Variants in EML5 observed in about 807,000 individuals in gnomAD.
EML5 encodes the protein EMAP like 5.
In EML5, 120 loss-of-function variants were observed where a neutral mutation model predicts 250.0. That is an observed-to-expected ratio of 0.48 (90% confidence interval 0.41 to 0.56). The LOEUF (loss-of-function observed/expected upper bound fraction) is 0.56. Ranked by LOEUF, EML5 falls within the 20% of genes least tolerant of loss-of-function variation. The pLI, the probability that EML5 is intolerant of heterozygous loss-of-function variation, is 0.00. For synonymous variants in EML5, 771 were observed against 806.5 expected, an observed-to-expected ratio of 0.96 and a Z score of 0.75; for missense variants, 2,006 against 2,437.6, an observed-to-expected ratio of 0.82 and a Z score of 3.73.
Position 88,620,986 on chromosome 14 carries a change from A to AT in EML5, c.5203-61dup. On this transcript the variant is annotated intron_variant, in intron 38 of 43. Transcript: ENST00000554922. The surrounding 1 kb of genome is among the most constrained non-coding windows in gnomAD (Gnocchi z 4.3). Reference sequence around the variant, plus strand: ...GAAACATTAAGTGAAGTACTTCTAAATTATACCAGTTTCCCCTCAAAATGC... The same window carrying AT: ...GAAACATTAAGTGAAGTACTTCTAAATTTATACCAGTTTCCCCTCAAAATGC... 1 of 1,473,586 alleles carries AT rather than the reference A, an allele frequency of 6.8e-7. No homozygotes were observed. The highest frequency in any genetic ancestry group is 9.0e-7 in the Non-Finnish European group (1 of 1,115,040). 91.3% of individuals were successfully genotyped at this position (1,473,586 alleles called of 1,614,324 possible). A position where few individuals can be genotyped will look rare whatever the true frequency, so the allele number is the denominator to read the frequency against.
chr14:88,678,341 A>C (rs1205111523), intron 21 of EML5, among the ~76,000 whole-genome samples: 1 of 152,156 alleles, frequency 6.6e-6, no homozygotes, highest in African/African-American at 2.4e-5. Context: ...ATGGAGCTTA[A>C]TATCTAGGTG....
chr14:88,765,776 G>T (rs1323627046), intron 1 of EML5, among the ~76,000 whole-genome samples: 2 of 152,152 alleles, frequency 1.3e-5, no homozygotes, highest in Non-Finnish European at 2.9e-5. Context: ...TATATTTTCA[G>T]TTCTAAGTAT....
chr14:88,710,227 C>T lies in EML5; in HGVS notation c.1657+2044G>A, dbSNP rs183265728. ...AAAAAATATGAAGAGGGGTGGAATG[C>T]TTTGGGCTGAAATTAAAGTGCAGTA... On this transcript the variant is annotated intron_variant, in intron 10 of 43. Coordinates refer to ENST00000554922, the MANE Select transcript of EML5 (RefSeq NM_183387.3). Among the ~76,000 whole-genome samples, 418 of 152,252 alleles carry T rather than the reference C, an allele frequency of 2.7e-3. 1 individual carries two copies. Among genetic ancestry groups the T allele is most frequent in the Non-Finnish European group, 4.1e-3 (276 of 68,012 alleles).
chr14:88,695,469 TGA>T lies in EML5; in HGVS notation c.2345-17_2345-16del, dbSNP rs1566649826. 3 of 1,604,428 alleles carry T rather than the reference TGA, an allele frequency of 1.9e-6. No individual in the cohort carries two copies. The highest frequency in any genetic ancestry group is 2.2e-5 in the South Asian group (2 of 89,268). On this transcript the variant is annotated splice_polypyrimidine_tract_variant and intron_variant, in intron 15 of 43. Transcript: ENST00000554922. ...TTTCCCATCCGCTGTGGAAAATTAA[TGA>T]GAGAGATAAACTGACTATTAACATT...
intron 8 of EML5, among the ~76,000 whole-genome samples, chr14:88,719,792 C>A (rs2093561488): frequency 6.6e-6 from 1 of 151,822 alleles, no homozygotes; most frequent in African/African-American, 2.4e-5. Context: ...CATAAAAATA[C>A]CTTCACAAAG....
intron 42 of EML5, chr14:88,616,486 C>T (rs1029579344): frequency 2.0e-5 from 12 of 604,180 alleles, no homozygotes; most frequent in Non-Finnish European, 2.9e-5. Flanking sequence ...AATTTGATAA[C>T]TGATTATAGG....
chr14:88,654,119 G>T (rs566106639), intron 27 of EML5, among the ~76,000 whole-genome samples: 3 of 152,294 alleles, frequency 2.0e-5, no homozygotes, highest in African/African-American at 7.2e-5. Flanking sequence ...TGTGCAATCA[G>T]TGGTGATATC....
chr14:88,764,176 C>G (rs2094289423), intron 1 of EML5, among the ~76,000 whole-genome samples: 1 of 152,144 alleles, frequency 6.6e-6, no homozygotes, highest in Non-Finnish European at 1.5e-5. Flanking sequence ...ATTTTTACAT[C>G]TATATTAATG....
chr14:88,682,728 C>G lies in EML5; in HGVS notation c.2983-697G>C, dbSNP rs558883158. ...GAGGCTAAATTCTTGTTGAGCTCAG[C>G]TGACAGGTGGGAGATAACTTCTGCC... On this transcript the variant is annotated intron_variant, in intron 20 of 43. Coordinates refer to ENST00000554922, the MANE Select transcript of EML5 (RefSeq NM_183387.3). Among the ~76,000 whole-genome samples the G allele has an allele frequency of 3.3e-5, 5 of 152,330 alleles. No individual in the cohort carries two copies. In the South Asian group the frequency reaches 8.3e-4, roughly 25 times the overall value.
chr14:88,620,426 C>A lies in EML5; in HGVS notation c.5375+328G>T. On this transcript the variant is annotated intron_variant, in intron 39 of 43. Coordinates refer to ENST00000554922, the MANE Select transcript of EML5 (RefSeq NM_183387.3). This position sits in a 1 kb window ranked among gnomAD's most constrained non-coding sequence, Gnocchi z 4.3. ...TCACAACTTTAGTTTTCCAGGGTGA[C>A]AACTTTTGAAGGGCAGATAGCTCTC... 1 of 203,298 alleles carries A rather than the reference C, an allele frequency of 4.9e-6. No individual in the cohort carries two copies. The highest frequency in any genetic ancestry group is 9.7e-6 in the Non-Finnish European group (1 of 102,718). The allele number at this position is 203,298 out of a possible 1,614,324, so 12.6% of individuals were successfully genotyped here.
chr14:88,673,213 G>A (rs1286997126), intron 21 of EML5, among the ~76,000 whole-genome samples: 2 of 152,328 alleles, frequency 1.3e-5, no homozygotes, highest in African/African-American at 2.4e-5. Context: ...TCATCCCCAG[G>A]ATGCTAGGCT....
rs376380923 is a variant in EML5 at position 88,626,946 on chromosome 14, A to G, written c.4632T>C (p.His1544=). The G allele has an allele frequency of 5.1e-5, 83 of 1,613,842 alleles. No individual in the cohort carries two copies. The highest frequency in any genetic ancestry group is 4.9e-4 in the Middle Eastern group (3 of 6,084). Residue 1544 remains histidine (H), a synonymous_variant, in exon 35 of 44, where the codon CAT becomes CAC. Transcript: ENST00000554922. ...TTCCTGCCAGGGTCCAGAACTTCACATGTTTTACTCCCACTGAGACAAACT... is the reference window on the plus strand; with the variant it reads ...TTCCTGCCAGGGTCCAGAACTTCACGTGTTTTACTCCCACTGAGACAAACT... ...DTQFVSVGVK[H]VKFWTLAGRA...
Position 88,686,578 on chromosome 14 carries a change from G to T in EML5, c.2854+638C>A, listed in dbSNP as rs371831548. Among the ~76,000 whole-genome samples, 33 of 151,910 alleles carry T rather than the reference G, an allele frequency of 2.2e-4. 1 individual carries two copies. Among genetic ancestry groups the T allele is most frequent in the African/African-American group, 7.5e-4 (31 of 41,410 alleles). Reference sequence around the variant, plus strand: ...CTCATGCCTGTAATTTCAGTGCTTCGGGAGGCCAAGTTTAGAGGATCATTT... The same window carrying T: ...CTCATGCCTGTAATTTCAGTGCTTCTGGAGGCCAAGTTTAGAGGATCATTT... On this transcript the variant is annotated intron_variant, in intron 19 of 43. Transcript: ENST00000554922.
rs1024660402 is a variant in EML5, at chr14:88,658,293, G to A, written c.3771C>T (p.Gly1257=). ...ACACCATTAAAGACATATCTGTACC[G>A]CCTAGGGTAACCAACATGCTGTCAT... The part of the protein sequence containing the change: ...TYDDSMLVTL[G]GTDMSLMVWT... The change falls in exon 26 of 44, where the codon GGC becomes GGT. Residue 1257 remains glycine, a synonymous_variant. Coordinates refer to ENST00000554922, the MANE Select transcript of EML5 (RefSeq NM_183387.3). 2.4e-5 allele frequency: 39 copies of A among 1,613,508 alleles called. No individual in the cohort carries two copies. The highest frequency in any genetic ancestry group is 3.0e-5 in the Non-Finnish European group (35 of 1,179,802).
rs369575837 is a variant in EML5 at position 88,621,263 on chromosome 14, G to T, written c.5052C>A (p.Ile1684=). The change falls in exon 38 of 44, where the codon ATC becomes ATA. Residue 1684 remains isoleucine, a synonymous_variant. Coordinates refer to ENST00000554922, the MANE Select transcript of EML5 (RefSeq NM_183387.3). ...AAGCTGCATTTTTCTCTCCAACTTC[G>T]ATTATTTCAGCATTCCTTGTCCCAA... ...ILVGTRNAEI[I]EVGEKNAACN... is the part of the protein sequence containing the mutation. 7.4e-6 allele frequency: 12 copies of T among 1,613,808 alleles called. No homozygotes were observed. The highest frequency in any genetic ancestry group is 1.0e-5 in the Non-Finnish European group (12 of 1,179,862).
intron 27 of EML5, 43 bp from the exon 28 acceptor site, chr14:88,649,969 A>G: frequency 7.1e-7 from 1 of 1,415,928 alleles, no homozygotes; most frequent in Non-Finnish European, 9.4e-7. Flanking sequence ...AAACATATAA[A>G]AATTGATGAT....
At chr14:88,751,951 C>A (rs72697940) in intron 2 of EML5, among the ~76,000 whole-genome samples, 1 of 152,168 alleles carries the variant, frequency 6.6e-6, no homozygotes, top group East Asian at 1.9e-4. Context: ...ATAATAGCAT[C>A]TATTCCAAAG....
chr14:88,689,606 C>T (rs924715045), intron 17 of EML5, among the ~76,000 whole-genome samples: 3 of 151,986 alleles, frequency 2.0e-5, no homozygotes, highest in East Asian at 1.9e-4. Flanking sequence ...TGGTGGTGTA[C>T]GCCTGTGGTC....
At chr14:88,680,393 T>C (rs1410643896) in intron 21 of EML5, among the ~76,000 whole-genome samples, 1 of 152,118 alleles carries the variant, frequency 6.6e-6, no homozygotes, top group African/African-American at 2.4e-5. Context: ...TATCCTGGCC[T>C]GGGTTCTCCA....
Sources: gnomAD v4.1 joint callset for allele counts (sites outside exome capture counted in the v4.1 genomes callset) on GRCh38, gnomAD v4.1.1 for gene constraint, Gnocchi (gnomAD v3.1) non-coding constraint, MANE v1.5 for transcripts, NCBI Gene and HGNC (gene_info 2026-07-23, HGNC 2026-07-21) for gene names.